The following SLC38A11 variants were observed in gnomAD, a reference collection of about 807,000 sequenced individuals.
The protein encoded by SLC38A11 is solute carrier family 38 member 11.
A neutral mutation model predicts 49.4 loss-of-function variants in SLC38A11; 51 were observed. The ratio of observed to expected loss-of-function variants is 1.03; its 90% CI spans 0.83 to 1.30. The LOEUF (loss-of-function observed/expected upper bound fraction) is 1.30, where lower values mean the gene tolerates loss of function less well. Ranked by LOEUF, SLC38A11 falls within the 50% of genes most tolerant of loss-of-function variation. SLC38A11 has a pLI of 0.00. For missense variants in SLC38A11, 574 were observed against 556.2 expected (o/e 1.03, Z -0.32); for synonymous variants, 203 against 192.9 (o/e 1.05, Z -0.43).
intron 3 of SLC38A11, among the ~76,000 whole-genome samples, chr2:164,947,332 A>G (rs1463313229): frequency 6.6e-6 from 1 of 151,606 alleles, no homozygotes; most frequent in Admixed American, 6.6e-5. Context: ...GGGTTTTGCC[A>G]CGTTGGCCAA....
intron 10 of SLC38A11, 61 bp downstream of exon 10, chr2:164,911,575 C>T: frequency 3.9e-6 from 3 of 778,980 alleles, no homozygotes; most frequent in Non-Finnish European, 6.0e-6. Context: ...TATAAATCTT[C>T]CTAAATTAAA....
intron 3 of SLC38A11, among the ~76,000 whole-genome samples, chr2:164,951,903 G>A (rs1688547395): frequency 6.6e-6 from 1 of 152,168 alleles, no homozygotes; most frequent in Admixed American, 6.5e-5. Context: ...GGCAGCTGAG[G>A]TGTTTTGCAC....
intron 5 of SLC38A11, among the ~76,000 whole-genome samples, chr2:164,940,063 T>C (rs572055415): frequency 6.6e-6 from 1 of 150,746 alleles, no homozygotes; most frequent in South Asian, 2.1e-4. Flanking sequence ...TCAAAAAGAT[T>C]TAGATAAAAA....
Position 164,940,174 on chromosome 2 carries a change from AACTGGTAGAC to A in SLC38A11, c.431-628_431-619del, listed in dbSNP as rs754322992. On this transcript the variant is annotated intron_variant, in intron 5 of 11. Transcript: ENST00000685975. ...GAAGAAGTCACAGGGAAGCTGCTGC[AACTGGTAGAC>A]ACTGCAGATTCTTGGCTATATGGTC... Among the ~76,000 whole-genome samples, 73 of 149,892 alleles carry A rather than the reference AACTGGTAGAC, an allele frequency of 4.9e-4. 1 individual carries two copies. Among genetic ancestry groups the A allele is most frequent in the Non-Finnish European group, 8.9e-4 (60 of 67,394 alleles).
At chr2:164,904,184 A>G (rs903754101) in intron 11 of SLC38A11, among the ~76,000 whole-genome samples, 25 of 152,286 alleles carry the variant, frequency 1.6e-4, no homozygotes, top group African/African-American at 5.5e-4. Flanking sequence ...CACAGGCACC[A>G]GCTGCTTCAT....
intron 9 of SLC38A11, among the ~76,000 whole-genome samples, chr2:164,913,319 G>T (rs559474837): frequency 2.6e-5 from 4 of 151,946 alleles, no homozygotes; most frequent in African/African-American, 9.7e-5. Context: ...GAAGTTCCCC[G>T]TTCACTAACC....
intron 6 of SLC38A11, among the ~76,000 whole-genome samples, chr2:164,939,079 G>C (rs1238960547): frequency 3.9e-5 from 6 of 152,036 alleles, no homozygotes; most frequent in Non-Finnish European, 8.8e-5. Flanking sequence ...AGACATTAAA[G>C]TTATTCATTG....
intron 11 of SLC38A11, among the ~76,000 whole-genome samples, chr2:164,904,647 TTAC>T (rs1260599714): frequency 6.6e-6 from 1 of 151,840 alleles, no homozygotes; most frequent in African/African-American, 2.4e-5. Flanking sequence ...CATTTCTAAA[TTAC>T]TACAATTACT....
chr2:164,911,642 T>C lies in SLC38A11; in HGVS notation c.957A>G (p.Thr319=). The change falls in exon 10 of 12, where the codon ACA becomes ACG. Residue 319 remains threonine, a synonymous_variant. Coordinates refer to ENST00000685975, the MANE Select transcript of SLC38A11 (RefSeq NM_001351537.2). The part of the protein sequence containing the change: ...ILTYPMECFV[T]REVIANVFFG... The stretch of plus-strand genomic sequence containing the variant: ...GGGAAGGAACCGCGCTTACCTCTCT[T>C]GTCACAAAGCATTCCATAGGGTATG... 6.3e-7 allele frequency: 1 copy of C among 1,579,414 alleles called. No homozygotes were observed.
At chr2:164,953,897 A>G (rs1688682358) in intron 2 of SLC38A11, among the ~76,000 whole-genome samples, 1 of 152,114 alleles carries the variant, frequency 6.6e-6, no homozygotes, top group Non-Finnish European at 1.5e-5. Flanking sequence ...AAGAATAATA[A>G]CCACTGAAAA....
At chr2:164,903,346 G>A (rs1308203779) in intron 11 of SLC38A11, among the ~76,000 whole-genome samples, 1 of 152,150 alleles carries the variant, frequency 6.6e-6, no homozygotes, top group Non-Finnish European at 1.5e-5. Context: ...CAGCCTTTTG[G>A]TACTCTTCCA....
intron 2 of SLC38A11, among the ~76,000 whole-genome samples, chr2:164,954,324 C>A (rs1030603891): frequency 6.6e-6 from 1 of 152,122 alleles, no homozygotes; most frequent in Admixed American, 6.5e-5. Context: ...GTAACACTAG[C>A]AATCAACCAC....
chr2:164,928,067 C>T (rs6754995), intron 7 of SLC38A11, among the ~76,000 whole-genome samples: 8,195 of 152,182 alleles, frequency 0.054, 718 homozygotes, highest in African/African-American at 0.18. Context: ...GTTCCTCTAG[C>T]TCCACTAACA....
chr2:164,940,315 A>G (rs1217053251), intron 5 of SLC38A11, among the ~76,000 whole-genome samples: 5 of 150,182 alleles, frequency 3.3e-5, no homozygotes, highest in Non-Finnish European at 7.4e-5. Context: ...AGTTTTAAAC[A>G]TGAAATGAAA....
At chr2:164,909,905 C>T (rs1162208556) in intron 10 of SLC38A11, among the ~76,000 whole-genome samples, 1 of 152,036 alleles carries the variant, frequency 6.6e-6, no homozygotes, top group Non-Finnish European at 1.5e-5. Flanking sequence ...ATATTAATAA[C>T]ATAAGTTGTA....
At chr2:164,938,924 A>G (rs1687559522) in intron 6 of SLC38A11, among the ~76,000 whole-genome samples, 2 of 152,138 alleles carry the variant, frequency 1.3e-5, no homozygotes, top group South Asian at 4.1e-4. Context: ...TTTCATTAGA[A>G]GAGTTCAGTA....
chr2:164,950,065 C>G (rs1688418215), intron 3 of SLC38A11: 1 of 152,158 alleles, frequency 6.6e-6, no homozygotes, highest in African/African-American at 2.4e-5. Flanking sequence ...AACAGCAGGT[C>G]ACTGGCCAAG....
intron 3 of SLC38A11, among the ~76,000 whole-genome samples, chr2:164,951,581 A>G (rs937220948): frequency 4.6e-5 from 7 of 152,124 alleles, no homozygotes; most frequent in Admixed American, 4.6e-4. Context: ...TTTGAAAACT[A>G]TTTCATGCTT....
rs1407737689 is a variant in SLC38A11, at chr2:164,894,819, A to G, written c.*3618T>C. On this transcript the variant is annotated 3_prime_UTR_variant, in exon 12 of 12. Coordinates refer to ENST00000685975, the MANE Select transcript of SLC38A11 (RefSeq NM_001351537.2). ...AAAGAGGCAAAGGATAACACATTTA[A>G]TATGTACCAATTGCTCTCCCTCCTA... Among the ~76,000 whole-genome samples the G allele has an allele frequency of 6.6e-6, 1 of 152,088 alleles. No homozygotes were observed. The highest frequency in any genetic ancestry group is 2.4e-5 in the African/African-American group (1 of 41,412).
Sources: gnomAD v4.1 joint callset for allele counts (sites outside exome capture counted in the v4.1 genomes callset) on GRCh38, gnomAD v4.1.1 for gene constraint, MANE v1.5 for transcripts, NCBI Gene and HGNC (gene_info 2026-07-23, HGNC 2026-07-21) for gene names.